The following CDH8 variants were observed in gnomAD, a reference collection of about 807,000 sequenced individuals.
The protein encoded by CDH8 is cadherin 8.
In CDH8, 17 loss-of-function variants were observed where a neutral mutation model predicts 68.1. That is an observed-to-expected ratio of 0.25 (90% CI 0.17 to 0.37). The LOEUF is 0.37. CDH8 is among the 10% of genes least tolerant of loss of function. The probability of loss-of-function intolerance (pLI) is 1.00; values close to 1 mark genes in which losing one functional copy is unlikely to be tolerated. For synonymous variants in CDH8, 372 were observed against 365.1 expected (o/e 1.02, Z -0.21); for missense variants, 763 against 999.3 (o/e 0.76, Z 3.19).
At position 61,857,197 on chromosome 16, in the gene CDH8, G is replaced by A. The variant is rs374842980; in HGVS notation, c.589C>T (p.Pro197Ser). 6.2e-7 allele frequency: 1 copy of A among 1,612,756 alleles called. No individual in the cohort carries two copies. Among genetic ancestry groups the A allele is most frequent in the Non-Finnish European group, 8.5e-7 (1 of 1,179,028 alleles). Residue 197 changes from proline to serine, a missense_variant, in exon 4 of 12, where the codon CCA becomes TCA. By Grantham distance (74) the Pro-to-Ser change is moderately conservative (BLOSUM62 -1). Around this residue, in one of 2 missense-constraint regions of CDH8, gnomAD observed 366 missense variants for 563.1 expected, o/e 0.65. Coordinates refer to ENST00000577390, the MANE Select transcript of CDH8 (RefSeq NM_001796.5). The part of the protein sequence containing the change: ...TNVTATDADD[P>S]VYGNSAKLVY... The stretch of plus-strand genomic sequence containing the variant: ...AACTTTGCACTGTTTCCATAAACTG[G>A]GTCATCAGCGTCGGTCGCAGTGACG...
intron 2 of CDH8, among the ~76,000 whole-genome samples, chr16:62,005,680 G>A (rs562709993): frequency 5.4e-4 from 80 of 149,320 alleles, no homozygotes; most frequent in Middle Eastern, 6.9e-3. Context: ...AGTTTGCAGT[G>A]AGCCCAGATC....
intron 10 of CDH8, among the ~76,000 whole-genome samples, chr16:61,689,603 A>C (rs1414135668): frequency 1.3e-5 from 2 of 152,008 alleles, no homozygotes; most frequent in African/African-American, 4.8e-5. Context: ...CAATAATATG[A>C]GCTCAAAGAT....
At chr16:61,923,354 AT>A (rs1478714515) in intron 2 of CDH8, among the ~76,000 whole-genome samples, 2 of 152,156 alleles carry the variant, frequency 1.3e-5, no homozygotes, top group Non-Finnish European at 2.9e-5. Context: ...AAATTAATTG[AT>A]AATGGACATC....
At chr16:61,990,838 AAGAG>A (rs1434035383) in intron 2 of CDH8, among the ~76,000 whole-genome samples, 1 of 148,436 alleles carries the variant, frequency 6.7e-6, no homozygotes, top group South Asian at 2.3e-4. Flanking sequence ...AAAAGAAAGA[AAGAG>A]AGATGGAACG....
intron 2 of CDH8, among the ~76,000 whole-genome samples, chr16:61,964,706 T>C (rs2150573485): frequency 6.6e-6 from 1 of 152,266 alleles, no homozygotes; most frequent in East Asian, 1.9e-4. Context: ...ATCCATCATC[T>C]GGTGCTGTCC....
At chr16:61,868,126 T>C (rs1341918854) in intron 3 of CDH8, among the ~76,000 whole-genome samples, 1 of 152,204 alleles carries the variant, frequency 6.6e-6, no homozygotes, top group Non-Finnish European at 1.5e-5. Flanking sequence ...TATGAATATC[T>C]GAATTCAAAC....
At chr16:61,913,976 C>A (rs1460636830) in intron 2 of CDH8, among the ~76,000 whole-genome samples, 2 of 152,064 alleles carry the variant, frequency 1.3e-5, no homozygotes, top group Non-Finnish European at 2.9e-5. Flanking sequence ...GGAGACAAGA[C>A]CTTTAAACAA....
intron 2 of CDH8, among the ~76,000 whole-genome samples, chr16:61,982,466 G>C (rs1006836697): frequency 6.6e-6 from 1 of 152,116 alleles, no homozygotes; most frequent in Admixed American, 6.5e-5. Context: ...TGATCCGCCC[G>C]CCTCGGCCTC....
chr16:61,736,112 AAAGGAAGG>A (rs763954666), intron 8 of CDH8, among the ~76,000 whole-genome samples: 46 of 116,528 alleles, frequency 3.9e-4, no homozygotes, highest in South Asian at 1.7e-3. Context: ...AGAAAGAAAG[AAAGGAAGG>A]AAGGAAGGAA....
intron 8 of CDH8, among the ~76,000 whole-genome samples, chr16:61,775,852 C>A (rs1210981876): frequency 6.6e-6 from 1 of 152,020 alleles, no homozygotes; most frequent in African/African-American, 2.4e-5. Flanking sequence ...AAAAGAAGTG[C>A]CCAGCTGCTC....
chr16:62,001,614 C>G (rs1965895292), intron 2 of CDH8, among the ~76,000 whole-genome samples: 1 of 152,166 alleles, frequency 6.6e-6, no homozygotes, highest in Non-Finnish European at 1.5e-5. Flanking sequence ...TAGCTTCAAG[C>G]TATGTGCTCT....
chr16:61,994,208 C>T (rs1237108513), intron 2 of CDH8, among the ~76,000 whole-genome samples: 2 of 152,140 alleles, frequency 1.3e-5, no homozygotes, highest in African/African-American at 2.4e-5. Context: ...CTTACCCTTT[C>T]CTCTTGAGAT....
intron 8 of CDH8, among the ~76,000 whole-genome samples, chr16:61,753,716 C>T (rs1429232845): frequency 6.6e-6 from 1 of 151,768 alleles, no homozygotes. Flanking sequence ...TAATTATAGT[C>T]GGTAAAAAAG....
At chr16:61,790,920 T>G (rs1301916770) in intron 7 of CDH8, among the ~76,000 whole-genome samples, 1 of 151,938 alleles carries the variant, frequency 6.6e-6, no homozygotes, top group African/African-American at 2.4e-5. Context: ...TAGCTATTTC[T>G]TTTTCATTAG....
rs1468198278 is a variant in CDH8 at position 61,960,372 on chromosome 16, T to TACATGTGTGTGTGTATACAC, written c.253-58900_253-58899insGTGTATACACACACACATGT. On this transcript the variant is annotated intron_variant, in intron 2 of 11. Transcript: ENST00000577390. The stretch of plus-strand genomic sequence containing the variant: ...ATGTGTGTGTGTATACACATACATA[T>TACATGTGTGTGTGTATACAC]ATACATGTGTGTGTGTATACACATA... Among the ~76,000 whole-genome samples the TACATGTGTGTGTGTATACAC allele has an allele frequency of 8.8e-5, 9 of 102,470 alleles. 4 individuals carry two copies. The highest frequency in any genetic ancestry group is 4.8e-4 in the African/African-American group (9 of 18,862). The allele number at this position is 102,470 out of a possible 152,430, so 67.2% of individuals were successfully genotyped here.
At chr16:61,961,636 G>A (rs1396201964) in intron 2 of CDH8, among the ~76,000 whole-genome samples, 1 of 152,046 alleles carries the variant, frequency 6.6e-6, no homozygotes, top group Non-Finnish European at 1.5e-5. Context: ...TCCTAACCCA[G>A]CCTAATAAAT....
chr16:61,724,816 T>C (rs904546274), intron 9 of CDH8, among the ~76,000 whole-genome samples: 1 of 150,832 alleles, frequency 6.6e-6, no homozygotes, highest in Non-Finnish European at 1.5e-5. Flanking sequence ...AAAGTATATC[T>C]TTGTTGAACT....
intron 2 of CDH8, among the ~76,000 whole-genome samples, chr16:61,915,841 T>C (rs1964230599): frequency 6.6e-6 from 1 of 152,050 alleles, no homozygotes; most frequent in Non-Finnish European, 1.5e-5. Flanking sequence ...GAATAAGCTT[T>C]TGGGAAATCT....
chr16:61,909,061 T>C (rs1320823591), intron 2 of CDH8, among the ~76,000 whole-genome samples: 5 of 151,296 alleles, frequency 3.3e-5, no homozygotes, highest in Non-Finnish European at 7.4e-5. Flanking sequence ...GAAAAGAACA[T>C]AGTATCCAAC....
Sources: allele counts gnomAD v4.1 joint callset (sites outside exome capture counted in the v4.1 genomes callset), GRCh38; gene constraint gnomAD v4.1.1; regional missense constraint gnomAD v4.1.1; transcripts MANE v1.5; gene names NCBI Gene and HGNC (gene_info 2026-07-23, HGNC 2026-07-21).